MARK3: variants seen among roughly 807,000 people sequenced by gnomAD.
MARK3 encodes the protein MAP/microtubule affinity-regulating kinase 3.
Under a neutral mutation model 90.1 loss-of-function variants are expected in MARK3, and 46 were observed. The observed-to-expected ratio is 0.51, with a 90% CI of 0.40 to 0.65. The LOEUF (loss-of-function observed/expected upper bound fraction) is 0.65, where lower values mean the gene tolerates loss of function less well. MARK3 is among the 30% of genes least tolerant of loss of function. The pLI, the probability that MARK3 is intolerant of heterozygous loss-of-function variation, is 0.00. For synonymous variants in MARK3, 321 were observed against 332.6 expected, an observed-to-expected ratio of 0.97 and a Z score of 0.38; for missense variants, 818 against 947.2, an observed-to-expected ratio of 0.86 and a Z score of 1.79.
At chr14:103,399,360 C>T (rs899142258) in intron 1 of MARK3, among the ~76,000 whole-genome samples, 3 of 152,050 alleles carry the variant, frequency 2.0e-5, no homozygotes, top group African/African-American at 7.2e-5. Flanking sequence ...TTTGGCTGAA[C>T]GTCACAAAGA....
chr14:103,426,877 A>G (rs2092420787), intron 2 of MARK3, among the ~76,000 whole-genome samples: 1 of 133,644 alleles, frequency 7.5e-6, no homozygotes, highest in East Asian at 2.2e-4. Context: ...AACTGCCCAA[A>G]GGGCTTTTCT....
At chr14:103,452,469 G>GTCTTTTTTTTTTTTTTTTTT (rs2141352555) in intron 5 of MARK3, among the ~76,000 whole-genome samples, 1 of 84,222 alleles carries the variant, frequency 1.2e-5, no homozygotes, top group East Asian at 3.1e-4. Flanking sequence ...TACAGGATTT[G>GTCTTTTTTTTTTTTTTTTTT]TCTTTTTTTT....
rs745895593 is a variant in MARK3 at position 103,467,111 on chromosome 14, G to C, written c.1030G>C (p.Glu344Gln). 18 of 1,588,452 alleles carry C rather than the reference G, an allele frequency of 1.1e-5. No individual in the cohort carries two copies. The highest frequency in any genetic ancestry group is 8.6e-7 in the Non-Finnish European group (1 of 1,160,034). Reference protein sequence around the residue: ...IMVGMGYSQEEIQESLSKMKY... With the variant: ...IMVGMGYSQEQIQESLSKMKY... Reference sequence around the variant, plus strand: ...GGTGGGAATGGGATATTCACAAGAAGAAATTCAAGAATCTCTTAGTAAGAT... The same window carrying C: ...GGTGGGAATGGGATATTCACAAGAACAAATTCAAGAATCTCTTAGTAAGAT... The change falls in exon 11 of 18, where the codon GAA becomes CAA. Residue 344 changes from glutamate to glutamine, a missense_variant. Physicochemically the swap from Glu to Gln is conservative, Grantham distance 29. Around this residue, in one of 3 missense-constraint regions of MARK3, gnomAD observed 560 missense variants for 613.5 expected, o/e 0.91. Coordinates refer to ENST00000429436, the MANE Select transcript of MARK3 (RefSeq NM_001128918.3).
At chr14:103,440,090 T>G (rs1310396005) in intron 3 of MARK3, among the ~76,000 whole-genome samples, 1 of 152,240 alleles carries the variant, frequency 6.6e-6, no homozygotes, top group Non-Finnish European at 1.5e-5. Flanking sequence ...CAGCCGCTTT[T>G]GCTTTCTTTT....
intron 3 of MARK3, chr14:103,429,394 G>A (rs2092511479): frequency 6.6e-6 from 1 of 152,180 alleles, no homozygotes; most frequent in African/African-American, 2.4e-5. Context: ...ATGAAATAAT[G>A]CATATAAAAG....
chr14:103,498,827 C>T, intron 16 of MARK3: 2 of 189,884 alleles, frequency 1.1e-5, no homozygotes, highest in Middle Eastern at 1.9e-3. Flanking sequence ...TAACACTTAG[C>T]ATGCTCCTGT....
At position 103,465,567 on chromosome 14, in the gene MARK3, T is replaced by C; in HGVS notation, c.551T>C (p.Leu184Pro). 6.2e-7 allele frequency: 1 copy of C among 1,612,024 alleles called. No individual in the cohort carries two copies. The highest frequency in any genetic ancestry group is 8.5e-7 in the Non-Finnish European group (1 of 1,178,026). ...IVHRDLKAEN[L>P]LLDADMNIKI... ...ATGTTTTCCCTCTAGGCTGAAAATC[T>C]ATTGTTAGATGCCGATATGAACATT... The change falls in exon 8 of 18, where the codon CTA (leucine) becomes CCA (proline). Residue 184 changes from leucine (L) to proline (P), a missense_variant. Physicochemically the swap from Leu to Pro is moderately conservative, Grantham distance 98. This residue lies in a region of MARK3 where 101 missense variants were observed against 175.1 expected (regional missense o/e 0.58). Transcript: ENST00000429436.
chr14:103,451,389 T>C (rs2093144441), intron 4 of MARK3, among the ~76,000 whole-genome samples: 1 of 152,204 alleles, frequency 6.6e-6, no homozygotes, highest in Non-Finnish European at 1.5e-5. Flanking sequence ...GTATAATCCC[T>C]CTACTTCTTT....
chr14:103,405,023 G>T, intron 1 of MARK3, 53 bp from the exon 2 acceptor site: 3 of 1,436,980 alleles, frequency 2.1e-6, no homozygotes, highest in Non-Finnish European at 2.9e-6. Flanking sequence ...TTAGAACTTG[G>T]CAAGTACTCT....
At chr14:103,444,034 C>T (rs966854926) in intron 3 of MARK3, among the ~76,000 whole-genome samples, 8 of 149,534 alleles carry the variant, frequency 5.3e-5, no homozygotes, top group South Asian at 2.1e-4. Flanking sequence ...CTGTAACCCC[C>T]GTGTTCTCTT....
chr14:103,444,550 G>A (rs896164152), intron 3 of MARK3, among the ~76,000 whole-genome samples: 20 of 152,140 alleles, frequency 1.3e-4, no homozygotes, highest in Non-Finnish European at 2.8e-4. Flanking sequence ...AGGCCGAGGC[G>A]GGCGGATCAC....
chr14:103,491,785 CT>C lies in MARK3; in HGVS notation c.1596del (p.Asp533IlefsTer76). 2 of 1,614,092 alleles carry C rather than the reference CT, an allele frequency of 1.2e-6. No homozygotes were observed. The highest frequency in any genetic ancestry group is 1.7e-6 in the Non-Finnish European group (2 of 1,180,016). ...ACTTTCTGATCTCATAGCACTATTC[CT>C]GATCAGAGAACTCCAGTTGCTTCAA... Reference protein sequence around the residue: ...IQNGKENSTIPDQRTPVASTH... With the variant: ...IQNGKENSTIXDQRTPVASTH... On this transcript the variant is annotated frameshift_variant, in exon 15 of 18. Coordinates refer to ENST00000429436, the MANE Select transcript of MARK3 (RefSeq NM_001128918.3). LOFTEE classifies it high-confidence loss of function.
chr14:103,424,253 C>G (rs1232284728), intron 2 of MARK3, among the ~76,000 whole-genome samples: 1 of 151,828 alleles, frequency 6.6e-6, no homozygotes, highest in Non-Finnish European at 1.5e-5. Context: ...GGAATAGTGA[C>G]CGGATGCCGT....
chr14:103,454,394 A>G (rs997425715), intron 5 of MARK3, among the ~76,000 whole-genome samples: 17 of 152,128 alleles, frequency 1.1e-4, no homozygotes, highest in African/African-American at 3.9e-4. Context: ...CTGGGACTGC[A>G]GGCGCACACC....
intron 2 of MARK3, among the ~76,000 whole-genome samples, chr14:103,413,830 T>C (rs1288855790): frequency 1.3e-5 from 2 of 152,116 alleles, no homozygotes; most frequent in African/African-American, 4.8e-5. Flanking sequence ...TGGCTTCTTC[T>C]CACTCAGCAT....
chr14:103,400,725 ATC>A (rs2090900807), intron 1 of MARK3, among the ~76,000 whole-genome samples: 1 of 151,688 alleles, frequency 6.6e-6, no homozygotes, highest in African/African-American at 2.4e-5. Flanking sequence ...GTGAGATCCT[ATC>A]TCTACAAAAA....
chr14:103,430,571 G>A (rs1271039783), intron 3 of MARK3, among the ~76,000 whole-genome samples: 1 of 152,118 alleles, frequency 6.6e-6, no homozygotes, highest in Non-Finnish European at 1.5e-5. Flanking sequence ...TTCATCATAA[G>A]GAACATTCTG....
chr14:103,442,814 A>G (rs1407191805), intron 3 of MARK3, among the ~76,000 whole-genome samples: 2 of 152,252 alleles, frequency 1.3e-5, no homozygotes, highest in Non-Finnish European at 2.9e-5. Flanking sequence ...CATTAAACTA[A>G]TAGTTTAGAA....
rs766621599 is a variant in MARK3, at chr14:103,503,085, C to T, written c.2120C>T (p.Ala707Val). ...LLFCVHGDGH[A>V]ENLVQWEMEV... The stretch of plus-strand genomic sequence containing the variant: ...TTCTGCGTCCACGGAGATGGGCACG[C>T]GGAGAACCTCGTGCAGTGGGAAATG... Residue 707 changes from alanine (A) to valine (V), a missense_variant, in exon 18 of 18, where the codon GCG becomes GTG. Coordinates refer to ENST00000429436, the MANE Select transcript of MARK3 (RefSeq NM_001128918.3). 34 of 1,614,066 alleles carry T rather than the reference C, an allele frequency of 2.1e-5. No individual in the cohort carries two copies. Among genetic ancestry groups the T allele is most frequent in the South Asian group, 4.4e-5 (4 of 91,080 alleles).
Sources: allele counts gnomAD v4.1 joint callset (sites outside exome capture counted in the v4.1 genomes callset), GRCh38; gene constraint gnomAD v4.1.1; regional missense constraint gnomAD v4.1.1; transcripts MANE v1.5; gene names NCBI Gene and HGNC (gene_info 2026-07-23, HGNC 2026-07-21).